CTNND1: variants seen among roughly 807,000 people sequenced by gnomAD.
The protein encoded by CTNND1 is catenin delta 1.
In CTNND1, 16 loss-of-function variants were observed where a neutral mutation model predicts 112.1. That is an observed-to-expected ratio of 0.14 (90% CI 0.10 to 0.22). CTNND1 has a LOEUF of 0.22. Among genes scored for constraint, CTNND1 ranks in the 10% least tolerant of loss-of-function variants. CTNND1 has a pLI of 1.00. For missense variants in CTNND1, 1,008 were observed against 1,257.0 expected (o/e 0.80, Z 3.00); for synonymous variants, 420 against 446.5 (o/e 0.94, Z 0.75).
intron 3 of CTNND1, among the ~76,000 whole-genome samples, chr11:57,793,664 G>A (rs888301509): frequency 6.6e-6 from 1 of 152,240 alleles, no homozygotes; most frequent in African/African-American, 2.4e-5. Context: ...ATCTAGGTCT[G>A]TGCTGTTTAT....
intron 4 of CTNND1, among the ~76,000 whole-genome samples, chr11:57,794,883 C>CAA (rs111312101): frequency 3.4e-4 from 29 of 84,682 alleles, no homozygotes; most frequent in Non-Finnish European, 4.8e-4. Context: ...AACTCCGTCT[C>CAA]AAAAAAAAAA....
chr11:57,792,603 T>C (rs1286028281), intron 3 of CTNND1, among the ~76,000 whole-genome samples: 2 of 152,228 alleles, frequency 1.3e-5, no homozygotes, highest in African/African-American at 2.4e-5. Flanking sequence ...CAATCTTGGC[T>C]CACTGCAACG....
At chr11:57,815,338 C>T (rs1278485513) in intron 18 of CTNND1, 56 bp from the exon 19 acceptor site, 11 of 1,029,252 alleles carry the variant, frequency 1.1e-5, no homozygotes, top group Admixed American at 7.9e-5. Flanking sequence ...GTTTGATATA[C>T]GTTTTACACT....
At chr11:57,786,715 G>T (rs1167673880) in intron 1 of CTNND1, among the ~76,000 whole-genome samples, 1 of 152,056 alleles carries the variant, frequency 6.6e-6, no homozygotes, top group Non-Finnish European at 1.5e-5. Context: ...ACCATTTACT[G>T]TAGCCTGCCT....
intron 16 of CTNND1, among the ~76,000 whole-genome samples, chr11:57,810,883 G>A (rs2063264900): frequency 6.6e-6 from 1 of 151,912 alleles, no homozygotes; most frequent in African/African-American, 2.4e-5. Context: ...CTTGAGCCCA[G>A]GAGGTAGAGG....
intron 15 of CTNND1, among the ~76,000 whole-genome samples, 198 bp from the exon 16 acceptor site, chr11:57,809,911 G>A (rs1307268370): frequency 2.0e-5 from 3 of 151,964 alleles, no homozygotes; most frequent in Non-Finnish European, 2.9e-5. Flanking sequence ...GGGTTTCACC[G>A]TGTTAGCCAA....
At chr11:57,770,155 C>T (rs923803151) in intron 1 of CTNND1, among the ~76,000 whole-genome samples, 3 of 151,678 alleles carry the variant, frequency 2.0e-5, no homozygotes, top group African/African-American at 7.3e-5. Flanking sequence ...AATGGTGAAA[C>T]CCTGTCTCTA....
At chr11:57,794,683 GCTGAGGCAGGAGA>G (rs1383115644) in intron 4 of CTNND1, among the ~76,000 whole-genome samples, 19 of 152,094 alleles carry the variant, frequency 1.2e-4, no homozygotes, top group African/African-American at 4.1e-4. Context: ...TACTCGGGAG[GCTGAGGCAGGAGA>G]ATTGCTTGAA....
intron 4 of CTNND1, 143 bp from the exon 5 acceptor site, chr11:57,795,434 C>A: frequency 1.3e-6 from 1 of 779,102 alleles, no homozygotes; most frequent in Non-Finnish European, 2.0e-6. Context: ...AAGATGACAG[C>A]CACCCATCTA....
intron 1 of CTNND1, among the ~76,000 whole-genome samples, chr11:57,767,407 T>C (rs1226425071): frequency 6.6e-6 from 1 of 152,228 alleles, no homozygotes; most frequent in African/African-American, 2.4e-5. Flanking sequence ...AAAGTTGCTC[T>C]AGCACAGTAA....
chr11:57,796,823 G>T lies in CTNND1; in HGVS notation c.787G>T (p.Val263Phe). 6.2e-7 allele frequency: 1 copy of T among 1,610,936 alleles called. No individual in the cohort carries two copies. Among genetic ancestry groups the T allele is most frequent in the Non-Finnish European group, 8.5e-7 (1 of 1,177,858 alleles). The change falls in exon 6 of 21, where the codon GTT becomes TTT. Residue 263 changes from valine to phenylalanine, a missense_variant. By Grantham distance (50) the Val-to-Phe change is conservative. This residue lies in a region of CTNND1 where 404 missense variants were observed against 457.9 expected (regional missense o/e 0.88). Coordinates refer to ENST00000399050, the MANE Select transcript of CTNND1 (RefSeq NM_001085458.2). ...GGATGTGTATGGGCCCCAACCCCAG[G>T]TTCGGGTAGGTGGGAGCAGCGTGGA... is the stretch of plus-strand genomic sequence containing the variant. ...RQDVYGPQPQ[V>F]RVGGSSVDLH... is the part of the protein sequence containing the mutation.
intron 1 of CTNND1, among the ~76,000 whole-genome samples, chr11:57,777,355 G>T (rs1397822373): frequency 6.6e-6 from 1 of 152,106 alleles, no homozygotes; most frequent in Non-Finnish European, 1.5e-5. Context: ...TGCAACCTCT[G>T]CCTCCCGGGC....
intron 1 of CTNND1, among the ~76,000 whole-genome samples, chr11:57,773,515 G>A (rs1953312187): frequency 6.7e-6 from 1 of 150,174 alleles, no homozygotes; most frequent in African/African-American, 2.5e-5. Context: ...GCAATGGCAC[G>A]ACCTCGGCTC....
In CTNND1 at chr11:57,818,194, T is replaced by G. The variant is rs2064074876; in HGVS notation, c.*1886T>G. The G allele has an allele frequency of 6.6e-6, 1 of 152,256 alleles. No individual in the cohort carries two copies. Among genetic ancestry groups the G allele is most frequent in the Non-Finnish European group, 1.5e-5 (1 of 67,980 alleles). 9.4% of individuals were successfully genotyped at this position (152,256 alleles called of 1,614,324 possible). A position where few individuals can be genotyped will look rare whatever the true frequency, so the allele number is the denominator to read the frequency against. On this transcript the variant is annotated 3_prime_UTR_variant, in exon 21 of 21. Transcript: ENST00000399050. ...TTGTCCTCTTCTGCTCTTTTCCTGG[T>G]GCTCTTTTTTCTCGGTGGGGTGTGG...
At chr11:57,771,070 C>T (rs1168320574) in intron 1 of CTNND1, among the ~76,000 whole-genome samples, 2 of 151,552 alleles carry the variant, frequency 1.3e-5, no homozygotes, top group African/African-American at 4.9e-5. Flanking sequence ...ACTACCTAGG[C>T]CTCTTCATAG....
At chr11:57,786,307 G>A (rs1445247204) in intron 1 of CTNND1, among the ~76,000 whole-genome samples, 1 of 151,952 alleles carries the variant, frequency 6.6e-6, no homozygotes, top group Non-Finnish European at 1.5e-5. Context: ...GCTGAGGCAG[G>A]CGGATCATGA....
chr11:57,773,798 C>T (rs762296260), intron 1 of CTNND1, among the ~76,000 whole-genome samples: 10 of 151,748 alleles, frequency 6.6e-5, no homozygotes, highest in Admixed American at 2.0e-4. Context: ...AAAAATTAGC[C>T]GGGCGTGGTG....
chr11:57,770,135 G>A (rs1952185389), intron 1 of CTNND1, among the ~76,000 whole-genome samples: 1 of 151,724 alleles, frequency 6.6e-6, no homozygotes, highest in South Asian at 2.1e-4. Context: ...TTTGAGACCA[G>A]CCTGGCCAAA....
chr11:57,771,358 A>G (rs1402686557), intron 1 of CTNND1, among the ~76,000 whole-genome samples: 2 of 152,186 alleles, frequency 1.3e-5, no homozygotes, highest in African/African-American at 4.8e-5. Context: ...TATTATTGAG[A>G]AAAAAGTAAA....
Sources: gnomAD v4.1 joint callset for allele counts (sites outside exome capture counted in the v4.1 genomes callset) on GRCh38, gnomAD v4.1.1 for gene constraint, gnomAD v4.1.1 regional missense constraint, MANE v1.5 for transcripts, NCBI Gene and HGNC (gene_info 2026-07-23, HGNC 2026-07-21) for gene names.